WAC: variants seen among roughly 807,000 people sequenced by gnomAD.
WAC encodes WW domain containing adaptor with coiled-coil.
A neutral mutation model predicts 79.6 loss-of-function variants in WAC; 11 were observed. The observed-to-expected ratio is 0.14, with a 90% CI of 0.09 to 0.23. WAC has a LOEUF of 0.23. Ranked by LOEUF, WAC falls within the 10% of genes least tolerant of loss-of-function variation. The pLI is 1.00. For synonymous variants in WAC, 304 were observed against 276.9 expected (o/e 1.10, Z -0.97); for missense variants, 728 against 773.5 (o/e 0.94, Z 0.70).
At chr10:28,600,271 C>T (rs374242062) in intron 7 of WAC, among the ~76,000 whole-genome samples, 3 of 145,446 alleles carry the variant, frequency 2.1e-5, no homozygotes, top group Non-Finnish European at 4.4e-5. Flanking sequence ...ACAGACTAGT[C>T]GTTTTAATAT....
intron 3 of WAC, among the ~76,000 whole-genome samples, chr10:28,582,401 C>T (rs1437186651): frequency 6.6e-6 from 1 of 152,190 alleles, no homozygotes; most frequent in Non-Finnish European, 1.5e-5. Context: ...CACCTTTCCT[C>T]TTACCATTTA....
chr10:28,608,041 T>G (rs1004645308), intron 7 of WAC, 145 bp from the exon 8 acceptor site: 1 of 823,962 alleles, frequency 1.2e-6, no homozygotes, highest in Non-Finnish European at 1.9e-6. Context: ...GAATGTTTAC[T>G]GAGCATCTTC....
chr10:28,616,684 A>C (rs1781599017), intron 12 of WAC, among the ~76,000 whole-genome samples: 1 of 152,216 alleles, frequency 6.6e-6, no homozygotes, highest in South Asian at 2.1e-4. Context: ...ATAGTGCATA[A>C]GACCTTGATC....
intron 3 of WAC, among the ~76,000 whole-genome samples, chr10:28,569,623 C>G (rs1281342235): frequency 6.6e-6 from 1 of 152,064 alleles, no homozygotes; most frequent in Non-Finnish European, 1.5e-5. Context: ...TGAAACAGTT[C>G]CTCAGTGAAC....
At chr10:28,538,119 A>G (rs959620608) in intron 3 of WAC, 1 of 157,558 alleles carries the variant, frequency 6.3e-6, no homozygotes, top group Admixed American at 6.5e-5. Context: ...TCTCTTCAAA[A>G]AACGTAAAAT....
intron 3 of WAC, among the ~76,000 whole-genome samples, chr10:28,538,545 G>T (rs2132326983): frequency 1.4e-5 from 2 of 143,686 alleles, no homozygotes; most frequent in Non-Finnish European, 3.0e-5. Flanking sequence ...TTGTGCCATT[G>T]CACTCCAGCC....
At chr10:28,614,208 C>T (rs1486439556) in intron 10 of WAC, among the ~76,000 whole-genome samples, 1 of 152,020 alleles carries the variant, frequency 6.6e-6, no homozygotes, top group Non-Finnish European at 1.5e-5. Flanking sequence ...CGGGTTCACG[C>T]CATTCTCCTG....
chr10:28,559,205 G>A (rs933883137), intron 3 of WAC, among the ~76,000 whole-genome samples: 2 of 151,512 alleles, frequency 1.3e-5, no homozygotes, highest in African/African-American at 4.9e-5. Flanking sequence ...ATATGAGTTG[G>A]TGATAGTGCT....
At chr10:28,585,263 G>A (rs1839758243) in intron 4 of WAC, among the ~76,000 whole-genome samples, 1 of 152,156 alleles carries the variant, frequency 6.6e-6, no homozygotes, top group Admixed American at 6.6e-5. Flanking sequence ...AGAGCTGGTA[G>A]TAATACCTCT....
At chr10:28,572,120 C>T (rs973458783) in intron 3 of WAC, among the ~76,000 whole-genome samples, 1 of 151,918 alleles carries the variant, frequency 6.6e-6, no homozygotes, top group African/African-American at 2.4e-5. Flanking sequence ...GGGTGGATCA[C>T]GAGGTTAGGA....
intron 4 of WAC, among the ~76,000 whole-genome samples, chr10:28,587,385 T>A (rs974076336): frequency 6.6e-6 from 1 of 152,214 alleles, no homozygotes; most frequent in East Asian, 1.9e-4. Context: ...CTGGGTAAAC[T>A]TCACTGTATG....
At chr10:28,595,200 A>T (rs1840294521) in intron 6 of WAC, among the ~76,000 whole-genome samples, 1 of 152,186 alleles carries the variant, frequency 6.6e-6, no homozygotes, top group South Asian at 2.1e-4. Context: ...AAATGATTTC[A>T]TTTAAGCCTT....
chr10:28,563,089 G>C (rs1242535115), intron 3 of WAC, among the ~76,000 whole-genome samples: 1 of 152,068 alleles, frequency 6.6e-6, no homozygotes, highest in African/African-American at 2.4e-5. Flanking sequence ...ATTTTTTGTA[G>C]AGATAGGGTT....
intron 3 of WAC, among the ~76,000 whole-genome samples, chr10:28,548,967 T>C (rs1303766209): frequency 6.6e-6 from 1 of 152,184 alleles, no homozygotes; most frequent in Non-Finnish European, 1.5e-5. Flanking sequence ...TGGTCATGGC[T>C]CACTGCAGCC....
intron 3 of WAC, among the ~76,000 whole-genome samples, chr10:28,543,844 T>A (rs1156588282): frequency 2.0e-5 from 3 of 151,782 alleles, no homozygotes; most frequent in Non-Finnish European, 4.4e-5. Flanking sequence ...TATTCTGTAA[T>A]CTTTCCAGAA....
chr10:28,588,416 A>T (rs57224415), intron 4 of WAC, among the ~76,000 whole-genome samples: 1 of 152,144 alleles, frequency 6.6e-6, no homozygotes, highest in Non-Finnish European at 1.5e-5. Flanking sequence ...TCTTTTTCCA[A>T]CTGCCTTCAG....
chr10:28,572,580 G>A lies in WAC; in HGVS notation c.275-10819G>A, dbSNP rs116875286. On this transcript the variant is annotated intron_variant, in intron 3 of 13. Coordinates refer to ENST00000354911, the MANE Select transcript of WAC (RefSeq NM_016628.5). Reference sequence around the variant, plus strand: ...TAATCCCACACTTTGGGAGGTGGAGGTGGGCTGATCACTTGAGGTCAGAAG... The same window carrying A: ...TAATCCCACACTTTGGGAGGTGGAGATGGGCTGATCACTTGAGGTCAGAAG... Among the ~76,000 whole-genome samples, 54 of 152,136 alleles carry A rather than the reference G, an allele frequency of 3.5e-4. No individual in the cohort carries two copies. In the East Asian group the frequency reaches 9.7e-3, roughly 27 times the overall value.
At chr10:28,576,128 T>C (rs1839233405) in intron 3 of WAC, among the ~76,000 whole-genome samples, 2 of 152,220 alleles carry the variant, frequency 1.3e-5, no homozygotes, top group South Asian at 2.1e-4. Flanking sequence ...CGACAACATA[T>C]TGCTCAGAAC....
chr10:28,599,717 G>T (rs1840547615), intron 7 of WAC, among the ~76,000 whole-genome samples: 1 of 152,196 alleles, frequency 6.6e-6, no homozygotes, highest in Admixed American at 6.5e-5. Context: ...CAAGTTTTGT[G>T]CCTGCATGAG....
Sources: allele counts gnomAD v4.1 joint callset (sites outside exome capture counted in the v4.1 genomes callset), GRCh38; gene constraint gnomAD v4.1.1; transcripts MANE v1.5; gene names NCBI Gene and HGNC (gene_info 2026-07-23, HGNC 2026-07-21).